TEX9: variants seen among roughly 807,000 people sequenced by gnomAD.
TEX9 encodes the protein testis-expressed protein 9.
Under a neutral mutation model 59.6 loss-of-function variants are expected in TEX9, and 74 were observed. The ratio of observed to expected loss-of-function variants is 1.24; its 90% CI spans 1.03 to 1.51. TEX9 has a LOEUF of 1.51. Ranked by LOEUF, TEX9 falls within the 40% of genes most tolerant of loss-of-function variation. The probability of loss-of-function intolerance (pLI) is 0.00; values close to 1 mark genes in which losing one functional copy is unlikely to be tolerated. For missense variants in TEX9, 522 were observed against 447.8 expected, an observed-to-expected ratio of 1.17 and a Z score of -1.49; for synonymous variants, 186 against 152.2, an observed-to-expected ratio of 1.22 and a Z score of -1.64.
chr15:56,317,689 T>A (rs199620778), intron 1 of TEX9, among the ~76,000 whole-genome samples: 160 of 152,320 alleles, frequency 1.1e-3, no homozygotes, highest in East Asian at 2.9e-3. Context: ...TACAGCTTAA[T>A]TGTGTTCCAT....
intron 1 of TEX9, among the ~76,000 whole-genome samples, chr15:56,338,122 T>C (rs2046293710): frequency 6.6e-6 from 1 of 152,214 alleles, no homozygotes; most frequent in Admixed American, 6.5e-5. Context: ...AGCTTAAAGT[T>C]TAGTGAGACT....
In TEX9 at chr15:56,388,465, C is replaced by T. The variant is rs1254464417; in HGVS notation, c.264-7C>T. On this transcript the variant is annotated splice_polypyrimidine_tract_variant and splice_region_variant and intron_variant, in intron 4 of 12. Coordinates refer to ENST00000352903, the Ensembl canonical transcript of TEX9. ...ATTAATGTATAATGTTTATTTTTGG[C>T]CTGTAGAGGTCTGTTACCATCTGAA... 1.2e-6 allele frequency: 2 copies of T among 1,606,268 alleles called. No individual in the cohort carries two copies. Among genetic ancestry groups the T allele is most frequent in the East Asian group, 2.2e-5 (1 of 44,722 alleles).
Position 56,431,103 on chromosome 15 carries a change from G to A in TEX9, c.*29+2630G>A, listed in dbSNP as rs1453603679. ...CGGGAGGCAGAGGTTGCAGTAAGCT[G>A]ACATCTTGCCACTGCACTCCAGCCT... On this transcript the variant is annotated intron_variant, in intron 12 of 12. Transcript: ENST00000352903. Among the ~76,000 whole-genome samples, 8 of 152,310 alleles carry A rather than the reference G, an allele frequency of 5.3e-5. 1 individual carries two copies. The South Asian group carries it at 8.3e-4, about 16-fold the overall frequency.
At chr15:56,443,930 A>G in intron 12 of TEX9, 1 of 1,136,250 alleles carries the variant, frequency 8.8e-7, no homozygotes, top group Non-Finnish European at 1.2e-6. Context: ...GTTCATAATA[A>G]TGTACAGAAA....
chr15:56,434,141 G>A, intron 12 of TEX9: 1 of 1,606,820 alleles, frequency 6.2e-7, no homozygotes, highest in Non-Finnish European at 8.5e-7. Flanking sequence ...TTCTTACTTT[G>A]TCTGCAAGGA....
exon 2 of TEX9, chr15:56,365,662 A>G (rs1348645174): frequency 3.1e-6 from 5 of 1,613,948 alleles, no homozygotes; most frequent in Non-Finnish European, 4.2e-6. Flanking sequence ...CCTTGGAGGA[A>G]GAATATAAGT....
At chr15:56,270,846 T>C (rs1489978255) in intron 1 of TEX9, among the ~76,000 whole-genome samples, 9 of 152,230 alleles carry the variant, frequency 5.9e-5, no homozygotes, top group Admixed American at 5.9e-4. Flanking sequence ...ATAAAATCTC[T>C]CAACATTTGC....
At chr15:56,419,129 C>G (rs1162701596) in intron 10 of TEX9, among the ~76,000 whole-genome samples, 1 of 151,428 alleles carries the variant, frequency 6.6e-6, no homozygotes, top group Non-Finnish European at 1.5e-5. Context: ...TTTTTTCAAA[C>G]TTATCTCTTA....
chr15:56,419,667 CTAGTCTGTT>C (rs2049872268), intron 10 of TEX9, among the ~76,000 whole-genome samples: 1 of 151,764 alleles, frequency 6.6e-6, no homozygotes, highest in Admixed American at 6.6e-5. Context: ...GAACATAGTG[CTAGTCTGTT>C]TAGTCTGTAG....
chr15:56,355,026 G>T (rs2046658913), intron 1 of TEX9, among the ~76,000 whole-genome samples: 1 of 152,012 alleles, frequency 6.6e-6, no homozygotes, highest in Admixed American at 6.6e-5. Flanking sequence ...GTAAGCTTTG[G>T]CATTTATATA....
chr15:56,269,846 T>G (rs2044482758), intron 1 of TEX9, among the ~76,000 whole-genome samples: 1 of 151,890 alleles, frequency 6.6e-6, no homozygotes, highest in Non-Finnish European at 1.5e-5. Flanking sequence ...TTAGTAGAGA[T>G]GGGGTTTCAC....
chr15:56,413,225 ATT>A (rs372568819), intron 10 of TEX9, among the ~76,000 whole-genome samples: 1 of 116,662 alleles, frequency 8.6e-6, no homozygotes, highest in Non-Finnish European at 1.7e-5. Context: ...AAATAATTTA[ATT>A]TATTTAATAC....
At chr15:56,444,490 G>C in intron 12 of TEX9, 1 of 1,608,990 alleles carries the variant, frequency 6.2e-7, no homozygotes, top group Non-Finnish European at 8.5e-7. Flanking sequence ...TCAATCATGA[G>C]TTTCTCTTTT....
At chr15:56,322,659 A>G (rs534419107) in intron 1 of TEX9, among the ~76,000 whole-genome samples, 4 of 152,296 alleles carry the variant, frequency 2.6e-5, no homozygotes, top group South Asian at 2.1e-4. Flanking sequence ...GCACAGTTGT[A>G]TGATTTTTCT....
At chr15:56,270,869 G>T (rs1027322219) in intron 1 of TEX9, among the ~76,000 whole-genome samples, 3 of 152,156 alleles carry the variant, frequency 2.0e-5, no homozygotes, top group Non-Finnish European at 4.4e-5. Context: ...GTCTGTAAAG[G>T]ATTTTATTTC....
chr15:56,402,128 G>A (rs763728265), intron 9 of TEX9, among the ~76,000 whole-genome samples: 1 of 152,080 alleles, frequency 6.6e-6, no homozygotes, highest in Non-Finnish European at 1.5e-5. Context: ...AAATAACTAA[G>A]ATCAGAGCAG....
intron 3 of TEX9, among the ~76,000 whole-genome samples, chr15:56,375,249 A>G (rs1466923003): frequency 1.3e-5 from 2 of 152,020 alleles, no homozygotes; most frequent in African/African-American, 4.8e-5. Flanking sequence ...TTTGATTTGC[A>G]TTTCTCTGAT....
chr15:56,444,279 CGG>C (rs1328154410), intron 12 of TEX9, among the ~76,000 whole-genome samples: 3 of 151,998 alleles, frequency 2.0e-5, no homozygotes, highest in Non-Finnish European at 2.9e-5. Context: ...ATTATGCTAA[CGG>C]AGATGAGAAG....
chr15:56,392,324 A>G (rs549154735), intron 7 of TEX9, among the ~76,000 whole-genome samples: 12 of 152,284 alleles, frequency 7.9e-5, no homozygotes, highest in South Asian at 2.1e-4. Flanking sequence ...GAAACTTCCA[A>G]TCATGGCGGA....
Sources: allele counts gnomAD v4.1 joint callset (sites outside exome capture counted in the v4.1 genomes callset), GRCh38; gene constraint gnomAD v4.1.1; transcripts MANE v1.5; gene names NCBI Gene and HGNC (gene_info 2026-07-23, HGNC 2026-07-21).